The following DLGAP2 variants were observed in gnomAD, a reference collection of about 807,000 sequenced individuals.
DLGAP2 encodes the protein disks large-associated protein 2.
DLGAP2 carries 26 observed loss-of-function variants against 100.3 expected under a neutral mutation model. That is an observed-to-expected ratio of 0.26 (90% CI 0.19 to 0.36). The LOEUF is 0.36. DLGAP2 is among the 10% of genes least tolerant of loss of function. DLGAP2 has a pLI of 1.00. For synonymous variants in DLGAP2, 886 were observed against 630.1 expected, an observed-to-expected ratio of 1.41 and a Z score of -6.08; for missense variants, 1,858 against 1,453.2, an observed-to-expected ratio of 1.28 and a Z score of -4.53.
At chr8:1,336,407 C>A (rs1472971690) in intron 3 of DLGAP2, among the ~76,000 whole-genome samples, 1 of 152,148 alleles carries the variant, frequency 6.6e-6, no homozygotes, top group Non-Finnish European at 1.5e-5. Flanking sequence ...AGGCACCGTG[C>A]ATCCACAGGC....
chr8:1,140,990 G>A (rs1368648822), intron 2 of DLGAP2, among the ~76,000 whole-genome samples: 1 of 152,150 alleles, frequency 6.6e-6, no homozygotes, highest in Non-Finnish European at 1.5e-5. Flanking sequence ...CTCAAAAATA[G>A]ATAAAAATGA....
chr8:1,211,919 C>T (rs571832646), intron 2 of DLGAP2, among the ~76,000 whole-genome samples: 10 of 152,248 alleles, frequency 6.6e-5, no homozygotes, highest in Admixed American at 2.0e-4. Flanking sequence ...AATTTGCTTC[C>T]ATCGCTTTCA....
At chr8:1,184,662 C>T (rs1471865451) in intron 2 of DLGAP2, among the ~76,000 whole-genome samples, 2 of 152,084 alleles carry the variant, frequency 1.3e-5, no homozygotes, top group Admixed American at 6.6e-5. Context: ...GCAGCACCCT[C>T]GGAGTTTGCG....
intron 2 of DLGAP2, among the ~76,000 whole-genome samples, chr8:1,103,259 G>C (rs919829645): frequency 6.6e-6 from 1 of 152,202 alleles, no homozygotes; most frequent in Non-Finnish European, 1.5e-5. Context: ...TCCAGGCTCT[G>C]TTGGATTCAT....
intron 8 of DLGAP2, 55 bp from the exon 9 acceptor site, chr8:1,668,274 C>CA: frequency 7.0e-7 from 1 of 1,422,300 alleles, no homozygotes; most frequent in African/African-American, 1.4e-5. Context: ...AACAGTAGAC[C>CA]ACAGGCTGAC....
intron 5 of DLGAP2, 70 bp downstream of exon 5, chr8:1,549,753 A>C (rs1387479284): frequency 7.1e-7 from 1 of 1,414,442 alleles, no homozygotes; most frequent in Non-Finnish European, 9.3e-7. Flanking sequence ...TTCCTTTTTT[A>C]ATTGACAGAT....
intron 12 of DLGAP2, among the ~76,000 whole-genome samples, chr8:1,682,327 C>T (rs563351875): frequency 1.3e-5 from 2 of 152,314 alleles, no homozygotes; most frequent in East Asian, 1.9e-4. Context: ...AGTGCTGAGG[C>T]CCTGTCATGG....
intron 5 of DLGAP2, among the ~76,000 whole-genome samples, chr8:1,557,460 G>A (rs1802003818): frequency 6.6e-6 from 1 of 152,152 alleles, no homozygotes; most frequent in African/African-American, 2.4e-5. Flanking sequence ...GCAGAGGGCA[G>A]GGGTGAGCAG....
intron 2 of DLGAP2, among the ~76,000 whole-genome samples, chr8:1,088,090 C>T (rs757804309): frequency 6.6e-5 from 10 of 152,242 alleles, no homozygotes; most frequent in Admixed American, 2.0e-4. Flanking sequence ...GGCTTGGCCC[C>T]ACAGGGGATG....
chr8:1,196,076 C>T (rs1252892759), intron 2 of DLGAP2, among the ~76,000 whole-genome samples: 3 of 152,186 alleles, frequency 2.0e-5, no homozygotes, highest in South Asian at 2.1e-4. Flanking sequence ...ACCTGGAAAG[C>T]TGTGTCATAA....
At chr8:767,791 A>G (rs532460300) in intron 1 of DLGAP2, among the ~76,000 whole-genome samples, 2 of 152,224 alleles carry the variant, frequency 1.3e-5, no homozygotes, top group East Asian at 1.9e-4. Context: ...TGGGGTGAGC[A>G]CTCTTGGTAA....
At chr8:784,737 G>A (rs771052325) in intron 1 of DLGAP2, among the ~76,000 whole-genome samples, 1 of 152,178 alleles carries the variant, frequency 6.6e-6, no homozygotes, top group Non-Finnish European at 1.5e-5. Flanking sequence ...AAGACCACAC[G>A]GGCCCATGCC....
intron 3 of DLGAP2, among the ~76,000 whole-genome samples, chr8:1,455,868 C>G (rs575326249): frequency 1.3e-5 from 2 of 152,298 alleles, no homozygotes; most frequent in African/African-American, 4.8e-5. Flanking sequence ...GGCAGGCGGT[C>G]GGTCTGTCTT....
intron 1 of DLGAP2, among the ~76,000 whole-genome samples, chr8:879,633 T>A (rs537492192): frequency 6.6e-6 from 1 of 152,340 alleles, no homozygotes; most frequent in African/African-American, 2.4e-5. Flanking sequence ...CGTTCTTTAG[T>A]TACTTGTGCT....
At chr8:1,631,493 C>T (rs1797644580) in intron 7 of DLGAP2, among the ~76,000 whole-genome samples, 1 of 152,170 alleles carries the variant, frequency 6.6e-6, no homozygotes, top group Non-Finnish European at 1.5e-5. Context: ...GTTTCCAAGC[C>T]AGTGTGCATG....
At chr8:1,325,437 G>C (rs969429917) in intron 3 of DLGAP2, among the ~76,000 whole-genome samples, 2 of 152,232 alleles carry the variant, frequency 1.3e-5, no homozygotes, top group Non-Finnish European at 2.9e-5. Context: ...GGCTGCTGTA[G>C]CGCGTTTTTG....
intron 3 of DLGAP2, among the ~76,000 whole-genome samples, chr8:1,461,000 C>G (rs1046147743): frequency 5.9e-5 from 9 of 152,202 alleles, no homozygotes; most frequent in African/African-American, 2.2e-4. Context: ...CCTCCATAAA[C>G]CAAAATCAGC....
At chr8:1,522,280 T>C (rs1020115997) in intron 4 of DLGAP2, among the ~76,000 whole-genome samples, 2 of 152,234 alleles carry the variant, frequency 1.3e-5, no homozygotes, top group East Asian at 1.9e-4. Context: ...TGATGCTTGT[T>C]CTGTTTCTTC....
Position 1,334,258 on chromosome 8 carries a change from C to A in DLGAP2, c.106+75375C>A, listed in dbSNP as rs575356137. ...CACCTGAGCTGGTTAAGCTGAGAAG[C>A]CATGGCAGTCAGCATTTGCCACCCC... On this transcript the variant is annotated intron_variant, in intron 3 of 14. Transcript: ENST00000637795. Among the ~76,000 whole-genome samples, 6 of 152,308 alleles carry A rather than the reference C, an allele frequency of 3.9e-5. No individual in the cohort carries two copies. In the South Asian group the frequency reaches 1.0e-3, roughly 26 times the overall value.
Sources: gnomAD v4.1 joint callset for allele counts (sites outside exome capture counted in the v4.1 genomes callset) on GRCh38, gnomAD v4.1.1 for gene constraint, MANE v1.5 for transcripts, NCBI Gene and HGNC (gene_info 2026-07-23, HGNC 2026-07-21) for gene names.